Variants in CHST9 observed in about 807,000 individuals in gnomAD.
The protein encoded by CHST9 is GalNAc-4-sulfotransferase 2.
In CHST9, 41 loss-of-function variants were observed where a neutral mutation model predicts 44.4. The ratio of observed to expected loss-of-function variants is 0.92; its 90% CI spans 0.72 to 1.20. CHST9 has a LOEUF of 1.20. Among genes scored for constraint, CHST9 ranks in the 50% most tolerant of loss-of-function variants. The pLI is 0.00. For missense variants in CHST9, 504 were observed against 516.5 expected, an observed-to-expected ratio of 0.98 and a Z score of 0.23; for synonymous variants, 171 against 178.4, an observed-to-expected ratio of 0.96 and a Z score of 0.33.
At chr18:26,969,488 C>A (rs1390762397) in intron 4 of CHST9, among the ~76,000 whole-genome samples, 1 of 151,942 alleles carries the variant, frequency 6.6e-6, no homozygotes, top group African/African-American at 2.4e-5. Context: ...GGCAATTAAG[C>A]TCCCAGATAA....
chr18:27,135,992 G>T (rs1598748300), intron 2 of CHST9, among the ~76,000 whole-genome samples: 1 of 152,084 alleles, frequency 6.6e-6, no homozygotes, highest in East Asian at 1.9e-4. Context: ...ATAATCCCTG[G>T]ATCTGCAGCA....
intron 2 of CHST9, among the ~76,000 whole-genome samples, chr18:27,096,103 G>A (rs1327841145): frequency 6.6e-6 from 1 of 151,986 alleles, no homozygotes; most frequent in African/African-American, 2.4e-5. Flanking sequence ...CAACAGTGGA[G>A]TGAAAATATA....
chr18:27,155,072 A>G (rs2058688058), intron 1 of CHST9, among the ~76,000 whole-genome samples: 1 of 136,984 alleles, frequency 7.3e-6, no homozygotes, highest in Non-Finnish European at 1.6e-5. Context: ...ACAGAGTGAG[A>G]CTGTTTCAAA....
intron 1 of CHST9, among the ~76,000 whole-genome samples, chr18:27,176,919 T>C (rs2058873304): frequency 6.6e-6 from 1 of 152,068 alleles, no homozygotes; most frequent in Admixed American, 6.6e-5. Context: ...AAGTAGCAAG[T>C]GGTATATTTA....
chr18:27,062,666 G>A (rs2057739058), intron 2 of CHST9, among the ~76,000 whole-genome samples: 1 of 152,132 alleles, frequency 6.6e-6, no homozygotes, highest in African/African-American at 2.4e-5. Context: ...AATCCTTTGG[G>A]TATATACCCA....
At chr18:26,972,351 C>A (rs1598606422) in intron 4 of CHST9, among the ~76,000 whole-genome samples, 1 of 95,444 alleles carries the variant, frequency 1.0e-5, no homozygotes. Context: ...AGCAAGACTC[C>A]AACTCCAAAA....
intron 2 of CHST9, among the ~76,000 whole-genome samples, chr18:27,076,754 TC>T (rs1403271668): frequency 5.3e-5 from 8 of 152,288 alleles, no homozygotes; most frequent in African/African-American, 1.9e-4. Context: ...TATGCATCTC[TC>T]CTCATCCACC....
chr18:27,148,514 T>C (rs2058633536), intron 1 of CHST9, among the ~76,000 whole-genome samples: 1 of 147,670 alleles, frequency 6.8e-6, no homozygotes. Flanking sequence ...GGTGTTTGGT[T>C]TTTTGTCCTT....
intron 4 of CHST9, among the ~76,000 whole-genome samples, chr18:26,974,679 CTT>C (rs112747846): frequency 4.9e-5 from 7 of 142,044 alleles, no homozygotes; most frequent in Non-Finnish European, 3.1e-5. Flanking sequence ...TTTTTTTTTC[CTT>C]TTTTTTTTTT....
chr18:27,029,694 G>A (rs1429398234), intron 3 of CHST9, among the ~76,000 whole-genome samples: 5 of 152,128 alleles, frequency 3.3e-5, no homozygotes, highest in Non-Finnish European at 5.9e-5. Flanking sequence ...TAAATGCTAT[G>A]TTCATAGTTG....
chr18:27,103,970 G>T (rs1164831314), intron 2 of CHST9, among the ~76,000 whole-genome samples: 1 of 152,124 alleles, frequency 6.6e-6, no homozygotes, highest in Non-Finnish European at 1.5e-5. Flanking sequence ...ATGCAAGGGG[G>T]TGAGAATTCA....
rs17694469 is a variant in CHST9 at position 26,917,226 on chromosome 18, C to T, written c.365G>A (p.Ser122Asn). The change falls in exon 6 of 6, where the codon AGT becomes AAT. Residue 122 changes from serine (S) to asparagine (N), a missense_variant. Transcript: ENST00000618847. ...CTCTGTTGGTGACCCTGTGGACTTACTTAAAGCTTGATCCCCTCCTTGTGA... is the reference window on the plus strand; with the variant it reads ...CTCTGTTGGTGACCCTGTGGACTTATTTAAAGCTTGATCCCCTCCTTGTGA... ...SHSQGGDQAL[S>N]KSTGSPTEKL... 0.022 allele frequency: 36,203 copies of T among 1,613,862 alleles called. 476 individuals carry two copies. Among genetic ancestry groups the T allele is most frequent in the Non-Finnish European group, 0.026 (30,920 of 1,179,798 alleles).
intron 4 of CHST9, among the ~76,000 whole-genome samples, chr18:26,987,939 C>A (rs2056773328): frequency 1.3e-5 from 2 of 152,204 alleles, no homozygotes; most frequent in African/African-American, 4.8e-5. Flanking sequence ...GAAATAAATT[C>A]TATTGTGTAT....
chr18:26,960,144 A>T (rs1485205028), intron 4 of CHST9, among the ~76,000 whole-genome samples: 2 of 152,256 alleles, frequency 1.3e-5, no homozygotes, highest in African/African-American at 4.8e-5. Context: ...CCAGTAAAAC[A>T]TCCCACAGGA....
chr18:27,063,313 TGA>T (rs2143622116), intron 2 of CHST9, among the ~76,000 whole-genome samples: 1 of 152,332 alleles, frequency 6.6e-6, no homozygotes, highest in Admixed American at 6.5e-5. Flanking sequence ...TGTACAAAAC[TGA>T]GAGACACAAA....
intron 4 of CHST9, among the ~76,000 whole-genome samples, chr18:26,974,535 T>C (rs1002911677): frequency 5.9e-5 from 9 of 152,256 alleles, no homozygotes; most frequent in Admixed American, 6.5e-5. Flanking sequence ...ATAATTTTGT[T>C]TCCAATTTAA....
chr18:26,945,128 A>G (rs2056143229), intron 4 of CHST9, among the ~76,000 whole-genome samples: 1 of 152,238 alleles, frequency 6.6e-6, no homozygotes, highest in Non-Finnish European at 1.5e-5. Flanking sequence ...ATTTAGTGGC[A>G]TCACAGTTAT....
intron 5 of CHST9, among the ~76,000 whole-genome samples, chr18:26,929,814 TGA>T (rs1462236874): frequency 2.0e-5 from 3 of 152,086 alleles, no homozygotes; most frequent in Non-Finnish European, 4.4e-5. Context: ...AATAGGAGTC[TGA>T]GAGGGCATCT....
intron 5 of CHST9, among the ~76,000 whole-genome samples, chr18:26,923,718 C>A (rs532395894): frequency 6.6e-6 from 1 of 152,064 alleles, no homozygotes; most frequent in East Asian, 1.9e-4. Flanking sequence ...TTCAAGGAAA[C>A]CAAAGTTTAA....
Sources: allele counts gnomAD v4.1 joint callset (sites outside exome capture counted in the v4.1 genomes callset), GRCh38; gene constraint gnomAD v4.1.1; transcripts MANE v1.5; gene names NCBI Gene and HGNC (gene_info 2026-07-23, HGNC 2026-07-21).